Variants in SLC38A6 observed in about 807,000 individuals in gnomAD.
The protein encoded by SLC38A6 is N system amino acid transporter NAT-1.
SLC38A6 carries 73 observed loss-of-function variants against 65.0 expected under a neutral mutation model. That is an observed-to-expected ratio of 1.12 (90% CI 0.93 to 1.37). The LOEUF is 1.37. Among genes scored for constraint, SLC38A6 ranks in the 40% most tolerant of loss-of-function variants. SLC38A6 has a pLI of 0.00. For missense variants in SLC38A6, 561 were observed against 531.1 expected (o/e 1.06, Z -0.55); for synonymous variants, 183 against 178.8 (o/e 1.02, Z -0.19).
rs575686383 is a variant in SLC38A6, at chr14:60,989,018, A to G, written c.310+4215A>G. On this transcript the variant is annotated intron_variant, in intron 3 of 15. Transcript: ENST00000267488. ...TTAGCTCATTCATCTGCTATCTAGGAGATTGCTTTTTTATATCTTCTCCTG... is the reference window on the plus strand; with the variant it reads ...TTAGCTCATTCATCTGCTATCTAGGGGATTGCTTTTTTATATCTTCTCCTG... 1.1e-4 allele frequency among the ~76,000 whole-genome samples: 16 copies of G among 152,224 alleles called. No individual in the cohort carries two copies. In the South Asian group the frequency reaches 3.1e-3, roughly 30 times the overall value.
intron 12 of SLC38A6, 127 bp from the exon 13 acceptor site, chr14:61,050,385 G>A: frequency 1.9e-6 from 1 of 520,606 alleles, no homozygotes; most frequent in Non-Finnish European, 3.1e-6. Flanking sequence ...CATAGGCTAG[G>A]GGAAAGGCCA....
intron 15 of SLC38A6, among the ~76,000 whole-genome samples, chr14:61,077,902 T>C (rs1054526212): frequency 6.6e-6 from 1 of 152,358 alleles, no homozygotes; most frequent in South Asian, 2.1e-4. Flanking sequence ...AGAGCCCTAC[T>C]GTAGCAATCT....
intron 16 of SLC38A6, among the ~76,000 whole-genome samples, chr14:61,079,317 A>C (rs926573157): frequency 4.6e-5 from 7 of 150,942 alleles, no homozygotes; most frequent in African/African-American, 1.7e-4. Context: ...TTCTATTTTT[A>C]TTAGAGGCGG....
intron 3 of SLC38A6, 107 bp from the exon 4 acceptor site, chr14:61,015,797 A>T (rs1685292104): frequency 4.0e-6 from 3 of 741,132 alleles, no homozygotes. Flanking sequence ...GGCCTGGATC[A>T]TAAGAATTAT....
At chr14:61,004,369 G>T (rs959400401) in intron 3 of SLC38A6, 2 of 152,126 alleles carry the variant, frequency 1.3e-5, no homozygotes, top group African/African-American at 4.8e-5. Flanking sequence ...CATTTGAAAA[G>T]CAGGTGTTTG....
At chr14:61,071,932 C>T (rs183850989) in intron 15 of SLC38A6, among the ~76,000 whole-genome samples, 2 of 152,294 alleles carry the variant, frequency 1.3e-5, no homozygotes, top group Admixed American at 1.3e-4. Context: ...AGTGGCGTTT[C>T]TGATGAGTCC....
intron 12 of SLC38A6, among the ~76,000 whole-genome samples, chr14:61,046,913 CT>C (rs1421557943): frequency 6.6e-6 from 1 of 152,038 alleles, no homozygotes. Context: ...GATTGTCAAG[CT>C]TTTCTGATCA....
chr14:61,069,522 T>C (rs1285018332), intron 15 of SLC38A6, among the ~76,000 whole-genome samples: 1 of 152,132 alleles, frequency 6.6e-6, no homozygotes, highest in African/African-American at 2.4e-5. Flanking sequence ...CTCTTCTATA[T>C]TGTTACTCCT....
At chr14:61,008,905 T>A (rs2039345400) in intron 3 of SLC38A6, among the ~76,000 whole-genome samples, 4 of 152,270 alleles carry the variant, frequency 2.6e-5, no homozygotes, top group Admixed American at 6.5e-5. Flanking sequence ...AATGAAACAT[T>A]TGGACAATGT....
intron 3 of SLC38A6, among the ~76,000 whole-genome samples, chr14:61,007,513 G>T (rs932436393): frequency 3.9e-4 from 59 of 152,196 alleles, no homozygotes; most frequent in African/African-American, 1.3e-3. Context: ...GTATTTGCAT[G>T]TGCCTGTGGT....
chr14:61,082,562 A>G (rs553712561), intron 16 of SLC38A6, among the ~76,000 whole-genome samples: 37 of 152,266 alleles, frequency 2.4e-4, no homozygotes, highest in Admixed American at 2.1e-3. Context: ...TGCAGCACTC[A>G]TTACCCCGTA....
intron 2 of SLC38A6, among the ~76,000 whole-genome samples, chr14:60,983,793 T>C (rs762042778): frequency 2.6e-5 from 4 of 152,232 alleles, no homozygotes; most frequent in Non-Finnish European, 4.4e-5. Flanking sequence ...GACTTTTTTT[T>C]TGATTCTCTT....
At chr14:61,082,278 G>A (rs1230384364) in intron 16 of SLC38A6, among the ~76,000 whole-genome samples, 1 of 152,160 alleles carries the variant, frequency 6.6e-6, no homozygotes, top group East Asian at 1.9e-4. Context: ...GCCTGTCACA[G>A]CTCCAGTGAG....
intron 3 of SLC38A6, among the ~76,000 whole-genome samples, chr14:60,988,788 C>T (rs1354682977): frequency 1.1e-4 from 16 of 152,198 alleles, no homozygotes; most frequent in Non-Finnish European, 1.5e-5. Context: ...AATCCCTTGC[C>T]TATCCCTTGA....
Position 61,022,043 on chromosome 14 carries a change from G to A in SLC38A6, c.403+2463G>A, listed in dbSNP as rs552606691. 2.0e-5 allele frequency among the ~76,000 whole-genome samples: 3 copies of A among 152,230 alleles called. No individual in the cohort carries two copies. In the South Asian group the frequency reaches 6.2e-4, roughly 32 times the overall value. On this transcript the variant is annotated intron_variant, in intron 5 of 15. Transcript: ENST00000267488. ...CTTTGTTAAATTGTTGGACGGTAGA[G>A]TGGGAAGCAGGGAGTTTAAGGTCCC...
intron 3 of SLC38A6, among the ~76,000 whole-genome samples, chr14:61,002,760 A>T (rs891681299): frequency 6.6e-6 from 1 of 152,202 alleles, no homozygotes; most frequent in Non-Finnish European, 1.5e-5. Context: ...CACAAAACGT[A>T]GCATTGATTT....
chr14:61,036,476 A>T (rs1156370969), intron 6 of SLC38A6, among the ~76,000 whole-genome samples: 1 of 152,020 alleles, frequency 6.6e-6, no homozygotes, highest in Non-Finnish European at 1.5e-5. Context: ...GAGCATTAGG[A>T]CAAATACCTA....
chr14:61,074,709 CCCTT>C lies in SLC38A6; in HGVS notation c.1291-4087_1291-4084del, dbSNP rs1210355558. On this transcript the variant is annotated intron_variant, in intron 15 of 16. Coordinates refer to the SLC38A6 transcript ENST00000354886. ...TCCCTCCCTCCCTCCCTCCCTCCCT[CCCTT>C]CCTTCCTTCCTTCTCTTTCTTTTCT... Among the ~76,000 whole-genome samples, 379 of 74,440 alleles carry C rather than the reference CCCTT, an allele frequency of 5.1e-3. 3 individuals carry two copies. The highest frequency in any genetic ancestry group is 0.016 in the African/African-American group (354 of 22,442). 48.8% of individuals were successfully genotyped at this position (74,440 alleles called of 152,430 possible).
chr14:61,030,784 G>T, intron 6 of SLC38A6: 1 of 263,722 alleles, frequency 3.8e-6, no homozygotes, highest in Non-Finnish European at 7.2e-6. Flanking sequence ...GTGTGAGATA[G>T]GCTAAGACAG....
Sources: allele counts gnomAD v4.1 joint callset (sites outside exome capture counted in the v4.1 genomes callset), GRCh38; gene constraint gnomAD v4.1.1; transcripts MANE v1.5; gene names NCBI Gene and HGNC (gene_info 2026-07-23, HGNC 2026-07-21).